Variants in ABCA12 observed in about 807,000 individuals in gnomAD.
The protein encoded by ABCA12 is glucosylceramide transporter ABCA12.
A neutral mutation model predicts 293.5 loss-of-function variants in ABCA12; 156 were observed. The ratio of observed to expected loss-of-function variants is 0.53; its 90% confidence interval spans 0.47 to 0.61. The LOEUF is 0.61. Ranked by LOEUF, ABCA12 falls within the 20% of genes least tolerant of loss-of-function variation. ABCA12 has a pLI of 0.00. For synonymous variants in ABCA12, 1,063 were observed against 1,108.0 expected (o/e 0.96, Z 0.81); for missense variants, 2,797 against 3,090.2 (o/e 0.91, Z 2.25).
intron 46 of ABCA12, 51 bp downstream of exon 46, chr2:214,948,989 T>TTGTACTCGCTATTTTGTTGTA: frequency 6.9e-7 from 1 of 1,450,082 alleles, no homozygotes; most frequent in East Asian, 2.3e-5. Flanking sequence ...CAATTATTTT[T>TTGTACTCGCTATTTTGTTGTA]CTCATTTAAG....
chr2:215,041,770 C>T (rs145986800), intron 7 of ABCA12, among the ~76,000 whole-genome samples: 44 of 152,146 alleles, frequency 2.9e-4, no homozygotes, highest in African/African-American at 1.1e-3. Context: ...CCTAAATGTC[C>T]ATCAACAAAT....
chr2:214,980,667 C>A (rs182666310), intron 30 of ABCA12, 24 bp from the exon 31 acceptor site: 3 of 1,613,792 alleles, frequency 1.9e-6, no homozygotes, highest in African/African-American at 2.7e-5. Context: ...ACAAGAACAA[C>A]AGGGAATGAA....
At chr2:215,085,857 AC>A (rs1431644513) in intron 2 of ABCA12, among the ~76,000 whole-genome samples, 1 of 152,198 alleles carries the variant, frequency 6.6e-6, no homozygotes, top group Non-Finnish European at 1.5e-5. Context: ...ATACATAGGC[AC>A]TTGAAGAGTC....
Position 214,986,522 on chromosome 2 carries a change from A to G in ABCA12, c.4163+20T>C, listed in dbSNP as rs7559069. 1 allele frequency: 1,610,999 copies of G among 1,611,294 alleles called. 805,353 individuals carry two copies. Among genetic ancestry groups the G allele is most frequent in the East Asian group, 1 (44,836 of 44,836 alleles). ...TTGTAACATGCTTCCATGGCAATAAATGTCAAAAAGTTAACATACATGGTA... is the reference window on the plus strand; with the variant it reads ...TTGTAACATGCTTCCATGGCAATAAGTGTCAAAAAGTTAACATACATGGTA... On this transcript the variant is annotated intron_variant, in intron 28 of 52. Transcript: ENST00000272895.
chr2:214,937,387 C>T (rs553327109), intron 51 of ABCA12, 123 bp downstream of exon 51: 51 of 670,534 alleles, frequency 7.6e-5, no homozygotes, highest in East Asian at 3.4e-4. Context: ...TTTGTAGAGA[C>T]GGGGTTTCAC....
At chr2:215,112,820 C>T (rs1320927896) in intron 1 of ABCA12, among the ~76,000 whole-genome samples, 1 of 152,042 alleles carries the variant, frequency 6.6e-6, no homozygotes, top group Non-Finnish European at 1.5e-5. Context: ...TAGAGAATTT[C>T]ACTTTAAGTA....
At chr2:215,096,608 C>T (rs1702254430) in intron 2 of ABCA12, among the ~76,000 whole-genome samples, 1 of 152,214 alleles carries the variant, frequency 6.6e-6, no homozygotes, top group Non-Finnish European at 1.5e-5. Flanking sequence ...ACTACTTCCT[C>T]TTCCCAGTAT....
chr2:214,973,977 C>T lies in ABCA12; in HGVS notation c.5534G>A (p.Gly1845Asp). 6.2e-7 allele frequency: 1 copy of T among 1,614,000 alleles called. No individual in the cohort carries two copies. The highest frequency in any genetic ancestry group is 8.5e-7 in the Non-Finnish European group (1 of 1,179,948). The stretch of plus-strand genomic sequence containing the variant: ...GACATTTTCTGAGCAGGAGCAAACA[C>T]CAAAATTAGTGATGGGTTCTCCACT... ...NTSGEPITNF[G>D]VCSCSENVQE... The change falls in exon 36 of 53, where the codon GGT becomes GAT. Residue 1845 changes from glycine to aspartate, a missense_variant. Transcript: ENST00000272895.
chr2:215,119,551 T>C (rs1702757346), intron 1 of ABCA12, among the ~76,000 whole-genome samples: 1 of 152,072 alleles, frequency 6.6e-6, no homozygotes, highest in Admixed American at 6.6e-5. Flanking sequence ...GCACCTCTTA[T>C]TGAATAGGGA....
At chr2:214,980,413 ACT>A (rs1321610076) in intron 31 of ABCA12, 68 bp downstream of exon 31, 1 of 1,586,622 alleles carries the variant, frequency 6.3e-7, no homozygotes, top group African/African-American at 1.3e-5. Context: ...AGTTGGAGAG[ACT>A]CTGCTCCTAT....
rs917897549 is a variant in ABCA12, at chr2:214,932,237, C to T, written c.*397G>A. On this transcript the variant is annotated 3_prime_UTR_variant, in exon 53 of 53. Coordinates refer to ENST00000272895, the MANE Select transcript of ABCA12 (RefSeq NM_173076.3). ...AAATAAATTATGTTGTCTGCTTGCCCGGTGGCACCTGCCACAAACCATCTG... is the reference window on the plus strand; with the variant it reads ...AAATAAATTATGTTGTCTGCTTGCCTGGTGGCACCTGCCACAAACCATCTG... 5 of 241,914 alleles carry T rather than the reference C, an allele frequency of 2.1e-5. No homozygotes were observed. The highest frequency in any genetic ancestry group is 1.1e-4 in the East Asian group (1 of 8,816). The allele number at this position is 241,914 out of a possible 1,614,324, so 15.0% of individuals were successfully genotyped here.
chr2:215,025,878 T>C (rs1700734730), intron 10 of ABCA12, 99 bp from the exon 11 acceptor site: 2 of 806,576 alleles, frequency 2.5e-6, no homozygotes, highest in Non-Finnish European at 4.2e-6. Context: ...ACTAAATTTT[T>C]CCTAAGATAA....
At chr2:214,970,463 TGTCAAG>T in intron 36 of ABCA12, 63 bp from the exon 37 acceptor site, 1 of 1,578,700 alleles carries the variant, frequency 6.3e-7, no homozygotes, top group South Asian at 1.1e-5. Flanking sequence ...AAATAGACAA[TGTCAAG>T]GAGCTTCAGT....
chr2:215,011,135 G>A (rs987966432), intron 17 of ABCA12, among the ~76,000 whole-genome samples: 7 of 152,164 alleles, frequency 4.6e-5, no homozygotes, highest in Non-Finnish European at 1.5e-5. Flanking sequence ...AAATCTAAGT[G>A]TAGTATTGTA....
At chr2:215,041,939 A>G (rs1701109692) in intron 7 of ABCA12, among the ~76,000 whole-genome samples, 1 of 152,230 alleles carries the variant, frequency 6.6e-6, no homozygotes, top group Middle Eastern at 3.2e-3. Context: ...GCAAAATACT[A>G]CAAAATTTCT....
intron 2 of ABCA12, among the ~76,000 whole-genome samples, chr2:215,094,559 T>A (rs1702212107): frequency 6.6e-6 from 1 of 152,190 alleles, no homozygotes; most frequent in Non-Finnish European, 1.5e-5. Flanking sequence ...CTCTTCTATG[T>A]AGGTCACAAG....
rs1703280831 is a variant in ABCA12 at position 215,138,540 on chromosome 2, A to T, written c.-332T>A. 5.9e-6 allele frequency: 2 copies of T among 339,612 alleles called. No individual in the cohort carries two copies. The highest frequency in any genetic ancestry group is 1.1e-5 in the Non-Finnish European group (2 of 177,076). 21.0% of individuals were successfully genotyped at this position (339,612 alleles called of 1,614,324 possible). A position where few individuals can be genotyped will look rare whatever the true frequency, so the allele number is the denominator to read the frequency against. On this transcript the variant is annotated 5_prime_UTR_variant, in exon 1 of 53. The change abolishes an upstream ATG in the 5' untranslated region. Coordinates refer to ENST00000272895, the MANE Select transcript of ABCA12 (RefSeq NM_173076.3). ...CCAGACTCAAGAGAGAATGAGCATC[A>T]TTCAGATAATGCCTCACTGAAAAAA...
At chr2:214,968,112 A>G (rs996103732) in intron 38 of ABCA12, among the ~76,000 whole-genome samples, 1 of 152,146 alleles carries the variant, frequency 6.6e-6, no homozygotes, top group African/African-American at 2.4e-5. Flanking sequence ...AGTGCAGGTA[A>G]TAAAGTATAG....
In ABCA12 at chr2:215,134,868, G is replaced by A. The variant is rs531955600; in HGVS notation, c.69+3272C>T. ...TTACCATGTTGCCCAAGCTGGTCTC[G>A]AACTCCTAGGCTCAAGTCTTCCACC... On this transcript the variant is annotated intron_variant, in intron 1 of 52. Coordinates refer to ENST00000272895, the MANE Select transcript of ABCA12 (RefSeq NM_173076.3). 5.3e-5 allele frequency among the ~76,000 whole-genome samples: 8 copies of A among 151,584 alleles called. No individual in the cohort carries two copies. The East Asian group carries it at 7.8e-4, about 15-fold the overall frequency.
Sources: gnomAD v4.1 joint callset for allele counts (sites outside exome capture counted in the v4.1 genomes callset) on GRCh38, gnomAD v4.1.1 for gene constraint, MANE v1.5 for transcripts, NCBI Gene and HGNC (gene_info 2026-07-23, HGNC 2026-07-21) for gene names.